The following MCHR2 variants were observed in gnomAD, a reference collection of about 807,000 sequenced individuals.
MCHR2 encodes the protein melanin concentrating hormone receptor 2.
In MCHR2, 15 loss-of-function variants were observed where a neutral mutation model predicts 24.8. The observed-to-expected ratio is 0.60, with a 90% CI of 0.40 to 0.93. MCHR2 has a LOEUF of 0.93. Ranked by LOEUF, MCHR2 falls within the 40% of genes least tolerant of loss-of-function variation. The pLI is 0.00. For missense variants in MCHR2, 386 were observed against 408.7 expected, an observed-to-expected ratio of 0.94 and a Z score of 0.48; for synonymous variants, 151 against 147.6, an observed-to-expected ratio of 1.02 and a Z score of -0.17.
chr6:99,934,118 A>C (rs893929559), intron 5 of MCHR2, among the ~76,000 whole-genome samples: 4 of 152,176 alleles, frequency 2.6e-5, no homozygotes, highest in Non-Finnish European at 5.9e-5. Context: ...TAAATAACTT[A>C]ATAACAAATA....
intron 5 of MCHR2, among the ~76,000 whole-genome samples, chr6:99,932,865 A>T (rs1480552918): frequency 6.6e-6 from 1 of 152,160 alleles, no homozygotes; most frequent in Admixed American, 6.5e-5. Flanking sequence ...GAAGTCCAGT[A>T]AAGAATGGAA....
chr6:99,946,037 A>G (rs1157170787), intron 3 of MCHR2, among the ~76,000 whole-genome samples: 1 of 151,792 alleles, frequency 6.6e-6, no homozygotes, highest in East Asian at 1.9e-4. Context: ...TTTTTTTCAA[A>G]AAAAGCCAAT....
intron 2 of MCHR2, among the ~76,000 whole-genome samples, chr6:99,953,251 G>T (rs1362547619): frequency 6.6e-6 from 1 of 152,140 alleles, no homozygotes; most frequent in African/African-American, 2.4e-5. Flanking sequence ...AAGAGGTTTT[G>T]CATATAAAAG....
chr6:99,939,408 A>G (rs946879388), intron 4 of MCHR2, among the ~76,000 whole-genome samples: 3 of 152,078 alleles, frequency 2.0e-5, no homozygotes, highest in African/African-American at 7.2e-5. Context: ...AAGTTATTCT[A>G]AAGAGATGAT....
intron 1 of MCHR2, among the ~76,000 whole-genome samples, chr6:99,962,882 A>G (rs543758387): frequency 2.0e-5 from 3 of 152,132 alleles, no homozygotes; most frequent in Admixed American, 1.3e-4. Flanking sequence ...AGGAACTCCT[A>G]TAACTTAATA....
At chr6:99,936,485 T>C (rs1774662588) in intron 4 of MCHR2, among the ~76,000 whole-genome samples, 1 of 151,636 alleles carries the variant, frequency 6.6e-6, no homozygotes, top group South Asian at 2.1e-4. Context: ...GCTCCTTTGA[T>C]GAAGATGAGT....
chr6:99,943,301 A>C (rs1774812616), intron 3 of MCHR2, among the ~76,000 whole-genome samples, 158 bp from the exon 4 acceptor site: 1 of 149,922 alleles, frequency 6.7e-6, no homozygotes. Context: ...TATATATTTT[A>C]ATTTTTATTT....
chr6:99,929,528 T>C (rs1774458883), intron 5 of MCHR2, among the ~76,000 whole-genome samples: 1 of 152,306 alleles, frequency 6.6e-6, no homozygotes, highest in Admixed American at 6.5e-5. Context: ...GCTGCTGTAT[T>C]GGGTGCATAT....
chr6:99,981,338 C>T (rs1775665990), intron 1 of MCHR2, among the ~76,000 whole-genome samples: 1 of 152,166 alleles, frequency 6.6e-6, no homozygotes, highest in Non-Finnish European at 1.5e-5. Context: ...GTGGGGTAAG[C>T]GTTTCAAGCA....
intron 1 of MCHR2, among the ~76,000 whole-genome samples, chr6:99,972,584 A>T (rs1429797972): frequency 3.9e-5 from 6 of 152,012 alleles, no homozygotes; most frequent in Admixed American, 1.3e-4. Context: ...TGATTTTAGT[A>T]ATTTCTTGCC....
At chr6:99,946,806 G>A (rs1033343399) in intron 3 of MCHR2, among the ~76,000 whole-genome samples, 2 of 152,160 alleles carry the variant, frequency 1.3e-5, no homozygotes, top group Non-Finnish European at 2.9e-5. Flanking sequence ...GGCAGATGGA[G>A]ATTTTAAGTG....
chr6:99,956,264 T>C (rs1775059499), intron 1 of MCHR2, 90 bp from the exon 2 acceptor site: 2 of 946,222 alleles, frequency 2.1e-6, no homozygotes, highest in Non-Finnish European at 3.0e-6. Context: ...TTGGAACCTC[T>C]TTTTTAAAAC....
At chr6:99,930,838 C>T (rs1008839540) in intron 5 of MCHR2, among the ~76,000 whole-genome samples, 4 of 152,228 alleles carry the variant, frequency 2.6e-5, no homozygotes, top group African/African-American at 9.7e-5. Flanking sequence ...CTTCTCTCAA[C>T]TCGTCAAAGT....
intron 1 of MCHR2, among the ~76,000 whole-genome samples, chr6:99,993,678 A>G (rs957344876): frequency 1.3e-5 from 2 of 151,108 alleles, no homozygotes; most frequent in Non-Finnish European, 3.0e-5. Flanking sequence ...CTGTGTTTCC[A>G]TTTTCTTTGC....
chr6:99,959,675 A>G (rs1481016904), intron 1 of MCHR2, among the ~76,000 whole-genome samples: 1 of 118,988 alleles, frequency 8.4e-6, no homozygotes, highest in African/African-American at 2.9e-5. Context: ...AGAACCAAAC[A>G]GATTTTGGAG....
In MCHR2 at chr6:99,957,801, A is replaced by T. The variant is rs545186741; in HGVS notation, c.-27-1627T>A. On this transcript the variant is annotated intron_variant, in intron 1 of 5. Coordinates refer to ENST00000281806, the MANE Select transcript of MCHR2 (RefSeq NM_001040179.2). Reference sequence around the variant, plus strand: ...GCTAAACTCAGCAAAAATTTGTAAGAACTCTACTGGAAAAATTATAACATT... The same window carrying T: ...GCTAAACTCAGCAAAAATTTGTAAGTACTCTACTGGAAAAATTATAACATT... 2.6e-5 allele frequency among the ~76,000 whole-genome samples: 4 copies of T among 152,214 alleles called. No homozygotes were observed. The East Asian group carries it at 7.7e-4, about 29-fold the overall frequency.
intron 4 of MCHR2, among the ~76,000 whole-genome samples, chr6:99,936,873 G>A (rs911674674): frequency 2.6e-5 from 4 of 151,550 alleles, no homozygotes; most frequent in African/African-American, 4.8e-5. Flanking sequence ...ATTTATGTAC[G>A]TGTGTATTTT....
rs997023688 is a variant in MCHR2, at chr6:99,922,145, C to G, written c.708-890G>C. On this transcript the variant is annotated intron_variant, in intron 5 of 5. Transcript: ENST00000281806. Reference sequence around the variant, plus strand: ...TTTTTGAGACGGAGTCTCGCTCTGTCGCCCAGACTGGAGTGCAGTGGCACA... The same window carrying G: ...TTTTTGAGACGGAGTCTCGCTCTGTGGCCCAGACTGGAGTGCAGTGGCACA... Among the ~76,000 whole-genome samples the G allele has an allele frequency of 2.2e-4, 31 of 142,570 alleles. 1 individual carries two copies. The highest frequency in any genetic ancestry group is 7.7e-4 in the African/African-American group (30 of 38,764). 93.5% of individuals were successfully genotyped at this position (142,570 alleles called of 152,430 possible). A position where few individuals can be genotyped will look rare whatever the true frequency, so the allele number is the denominator to read the frequency against.
At chr6:99,955,145 A>G (rs1775035568) in intron 2 of MCHR2, among the ~76,000 whole-genome samples, 1 of 152,188 alleles carries the variant, frequency 6.6e-6, no homozygotes, top group Admixed American at 6.5e-5. Flanking sequence ...AAAATTTAAC[A>G]TCCTATAGTT....
Sources: allele counts gnomAD v4.1 joint callset (sites outside exome capture counted in the v4.1 genomes callset), GRCh38; gene constraint gnomAD v4.1.1; transcripts MANE v1.5; gene names NCBI Gene and HGNC (gene_info 2026-07-23, HGNC 2026-07-21).